MAPKAP1: variants seen among roughly 807,000 people sequenced by gnomAD.
MAPKAP1 encodes target of rapamycin complex 2 subunit MAPKAP1.
In MAPKAP1, 20 loss-of-function variants were observed where a neutral mutation model predicts 65.7. The observed-to-expected ratio is 0.30, with a 90% CI of 0.21 to 0.44. The LOEUF (loss-of-function observed/expected upper bound fraction) is 0.44, where lower values mean the gene tolerates loss of function less well. MAPKAP1 is among the 20% of genes least tolerant of loss of function. MAPKAP1 has a pLI of 1.00. For synonymous variants in MAPKAP1, 222 were observed against 244.3 expected (o/e 0.91, Z 0.85); for missense variants, 423 against 648.0 (o/e 0.65, Z 3.77).
chr9:125,526,005 G>A (rs575698453), intron 7 of MAPKAP1, among the ~76,000 whole-genome samples: 7 of 152,332 alleles, frequency 4.6e-5, no homozygotes, highest in African/African-American at 1.7e-4. Flanking sequence ...AGACAATGGG[G>A]TGGTACTCCA....
At chr9:125,507,094 C>T (rs1589244499) in intron 7 of MAPKAP1, among the ~76,000 whole-genome samples, 1 of 152,146 alleles carries the variant, frequency 6.6e-6, no homozygotes, top group Non-Finnish European at 1.5e-5. Flanking sequence ...TTTATGAAAA[C>T]ACGAGACACA....
At chr9:125,606,812 A>C (rs1362417185) in intron 4 of MAPKAP1, among the ~76,000 whole-genome samples, 1 of 152,204 alleles carries the variant, frequency 6.6e-6, no homozygotes, top group African/African-American at 2.4e-5. Flanking sequence ...GAAAACCCGA[A>C]TCTTCTACAA....
chr9:125,653,267 C>T (rs1253729304), intron 4 of MAPKAP1, among the ~76,000 whole-genome samples: 1 of 152,094 alleles, frequency 6.6e-6, no homozygotes, highest in South Asian at 2.1e-4. Flanking sequence ...TTTATTTAAC[C>T]GAAATTTTAC....
intron 7 of MAPKAP1, among the ~76,000 whole-genome samples, chr9:125,519,158 T>G (rs1275478547): frequency 6.6e-6 from 1 of 152,124 alleles, no homozygotes; most frequent in Admixed American, 6.5e-5. Context: ...GTAGGCTCAG[T>G]GGCTCTGGAG....
At chr9:125,564,355 ATT>A (rs1830984505) in intron 5 of MAPKAP1, among the ~76,000 whole-genome samples, 1 of 152,258 alleles carries the variant, frequency 6.6e-6, no homozygotes, top group South Asian at 2.1e-4. Context: ...TTACACATAC[ATT>A]TAAGTCACGA....
At chr9:125,597,464 T>C (rs1004571048) in intron 4 of MAPKAP1, among the ~76,000 whole-genome samples, 1 of 151,762 alleles carries the variant, frequency 6.6e-6, no homozygotes, top group African/African-American at 2.4e-5. Flanking sequence ...AAAAGAAATA[T>C]CCATATCAAG....
At chr9:125,649,243 T>C (rs1191819271) in intron 4 of MAPKAP1, among the ~76,000 whole-genome samples, 1 of 152,120 alleles carries the variant, frequency 6.6e-6, no homozygotes, top group East Asian at 1.9e-4. Context: ...CCAACCAGAT[T>C]CCCTCTTCTA....
intron 1 of MAPKAP1, among the ~76,000 whole-genome samples, chr9:125,689,302 T>C (rs901806931): frequency 6.6e-6 from 1 of 151,756 alleles, no homozygotes; most frequent in Non-Finnish European, 1.5e-5. Context: ...CCGGGCGTGG[T>C]GGCGGGCGCC....
rs1329343800 is a variant in MAPKAP1 at position 125,674,377 on chromosome 9, C to T, written c.-69-1734G>A. ...TAAGTTCGTGGCACATAAAATAAGTCTGTGCTTCCTTTGTGATAGAGGACA... is the reference window on the plus strand; with the variant it reads ...TAAGTTCGTGGCACATAAAATAAGTTTGTGCTTCCTTTGTGATAGAGGACA... On this transcript the variant is annotated intron_variant, in intron 1 of 11. Transcript: ENST00000265960. Among the ~76,000 whole-genome samples, 7 of 152,178 alleles carry T rather than the reference C, an allele frequency of 4.6e-5. No homozygotes were observed. The East Asian group carries it at 9.6e-4, about 21-fold the overall frequency.
At chr9:125,562,034 TG>T (rs1464295603) in intron 5 of MAPKAP1, among the ~76,000 whole-genome samples, 1 of 152,100 alleles carries the variant, frequency 6.6e-6, no homozygotes, top group African/African-American at 2.4e-5. Context: ...CAGACATGGA[TG>T]GAACAAGCAA....
At chr9:125,648,452 A>C (rs1833794533) in intron 4 of MAPKAP1, among the ~76,000 whole-genome samples, 1 of 152,204 alleles carries the variant, frequency 6.6e-6, no homozygotes, top group African/African-American at 2.4e-5. Flanking sequence ...GAGGTCATCT[A>C]AGCCACATTC....
rs1404990862 is a variant in MAPKAP1 at position 125,624,542 on chromosome 9, G to A, written c.498+33109C>T. ...GAGGAGCCCCTCTGCCCAGCCAGCC[G>A]CCCTGTCCGGGAGGGAGGTGGGGGG... is the stretch of plus-strand genomic sequence containing the variant. On this transcript the variant is annotated intron_variant, in intron 4 of 11. Transcript: ENST00000265960. Among the ~76,000 whole-genome samples the A allele has an allele frequency of 4.9e-3, 259 of 53,144 alleles. 20 individuals are homozygous for A. Among genetic ancestry groups the A allele is most frequent in the African/African-American group, 0.015 (240 of 16,478 alleles). The allele number at this position is 53,144 out of a possible 152,430, so 34.9% of individuals were successfully genotyped here.
chr9:125,617,182 C>A lies in MAPKAP1; in HGVS notation c.499-31455G>T, dbSNP rs114397642. Among the ~76,000 whole-genome samples the A allele has an allele frequency of 2.2e-4, 33 of 152,244 alleles. 1 individual carries two copies. Among genetic ancestry groups the A allele is most frequent in the Middle Eastern group, 3.4e-3 (1 of 294 alleles). On this transcript the variant is annotated intron_variant, in intron 4 of 11. Coordinates refer to ENST00000265960, the MANE Select transcript of MAPKAP1 (RefSeq NM_001006617.3). ...ATTCATGGCCAAAATGTTTGTAGAT[C>A]GGGCACAATGGCACATGCCTGTAAT...
chr9:125,672,777 G>T, intron 1 of MAPKAP1, 134 bp from the exon 2 acceptor site: 1 of 629,060 alleles, frequency 1.6e-6, no homozygotes, highest in South Asian at 2.0e-5. Flanking sequence ...GAGCTTAAAA[G>T]GATTTAGTCT....
intron 3 of MAPKAP1, among the ~76,000 whole-genome samples, chr9:125,659,243 G>C (rs1310001728): frequency 1.3e-5 from 2 of 151,992 alleles, no homozygotes; most frequent in Admixed American, 6.6e-5. Flanking sequence ...TCCTCACCTG[G>C]CACAGTCACA....
At chr9:125,629,320 T>A (rs1456262862) in intron 4 of MAPKAP1, among the ~76,000 whole-genome samples, 1 of 152,188 alleles carries the variant, frequency 6.6e-6, no homozygotes, top group South Asian at 2.1e-4. Flanking sequence ...CAGCACACCA[T>A]TATTCACAAT....
At chr9:125,536,360 C>T (rs1177276903) in intron 7 of MAPKAP1, among the ~76,000 whole-genome samples, 4 of 152,150 alleles carry the variant, frequency 2.6e-5, no homozygotes, top group Non-Finnish European at 4.4e-5. Flanking sequence ...GCTCCTTGCC[C>T]GGGGCACTTC....
intron 4 of MAPKAP1, among the ~76,000 whole-genome samples, chr9:125,614,801 A>G (rs909967241): frequency 2.6e-5 from 4 of 152,336 alleles, no homozygotes; most frequent in Admixed American, 6.5e-5. Flanking sequence ...AACATAGAAC[A>G]TCTGCTAAAA....
intron 3 of MAPKAP1, among the ~76,000 whole-genome samples, chr9:125,659,018 G>A (rs1249686139): frequency 1.3e-5 from 2 of 152,124 alleles, no homozygotes; most frequent in Non-Finnish European, 2.9e-5. Context: ...GGAAAGGCAA[G>A]GTGGGAGGAT....
Sources: gnomAD v4.1 joint callset for allele counts (sites outside exome capture counted in the v4.1 genomes callset) on GRCh38, gnomAD v4.1.1 for gene constraint, MANE v1.5 for transcripts, NCBI Gene and HGNC (gene_info 2026-07-23, HGNC 2026-07-21) for gene names.